Variants in MOB3C observed in about 807,000 individuals in gnomAD.
MOB3C encodes MOB kinase activator 3C.
Under a neutral mutation model 19.8 loss-of-function variants are expected in MOB3C, and 17 were observed. The ratio of observed to expected loss-of-function variants is 0.86; its 90% CI spans 0.59 to 1.29. The LOEUF (loss-of-function observed/expected upper bound fraction) is 1.29, where lower values mean the gene tolerates loss of function less well. Among genes scored for constraint, MOB3C ranks in the 50% most tolerant of loss-of-function variants. The pLI is 0.00. For missense variants in MOB3C, 291 were observed against 301.9 expected (o/e 0.96, Z 0.27); for synonymous variants, 101 against 119.2 (o/e 0.85, Z 0.99).
At position 46,611,423 on chromosome 1, in the gene MOB3C, T is replaced by C. The variant is rs923628586; in HGVS notation, c.419-1219A>G. 2.0e-5 allele frequency among the ~76,000 whole-genome samples: 3 copies of C among 152,198 alleles called. No homozygotes were observed. The highest frequency in any genetic ancestry group is 7.2e-5 in the African/African-American group (3 of 41,458). Reference sequence around the variant, plus strand: ...GGCCCCGCTTCTGCATAGTCCCCCATGCTCAAGGCAGAGATCTTGGTGGCT... The same window carrying C: ...GGCCCCGCTTCTGCATAGTCCCCCACGCTCAAGGCAGAGATCTTGGTGGCT... On this transcript the variant is annotated intron_variant, in intron 2 of 3. Transcript: ENST00000319928. This position sits in a 1 kb window ranked among gnomAD's most constrained non-coding sequence, Gnocchi z 4.1.
rs968939838 is a variant in MOB3C, at chr1:46,608,382, A to G, written c.*1273T>C. 1.3e-5 allele frequency: 2 copies of G among 152,048 alleles called. No individual in the cohort carries two copies. The highest frequency in any genetic ancestry group is 4.8e-5 in the African/African-American group (2 of 41,262). The allele number at this position is 152,048 out of a possible 1,614,324, so 9.4% of individuals were successfully genotyped here. A position where few individuals can be genotyped will look rare whatever the true frequency, so the allele number is the denominator to read the frequency against. On this transcript the variant is annotated 3_prime_UTR_variant, in exon 4 of 4. Transcript: ENST00000319928. This position sits in a 1 kb window ranked among gnomAD's most constrained non-coding sequence, Gnocchi z 4.5. Reference sequence around the variant, plus strand: ...AGAGTGGAGGCTCTGGGAGGGCAGAACCCTGTTCCTGCCTCAGTTTCCCCA... The same window carrying G: ...AGAGTGGAGGCTCTGGGAGGGCAGAGCCCTGTTCCTGCCTCAGTTTCCCCA...
rs1675506887 is a variant in MOB3C at position 46,613,333 on chromosome 1, C to T, written c.-12G>A. On this transcript the variant is annotated 5_prime_UTR_variant, in exon 2 of 4. Coordinates refer to ENST00000319928, the MANE Select transcript of MOB3C (RefSeq NM_201403.3). ...AGGCACAGGGCCATGGCCAGCTGGG[C>T]CTGGGGCTGCTGTCCAGGGGCTCGG... is the stretch of plus-strand genomic sequence containing the variant. The T allele has an allele frequency of 6.2e-7, 1 of 1,601,826 alleles. No homozygotes were observed.
At position 46,613,271 on chromosome 1, in the gene MOB3C, C is replaced by G. The variant is rs781039558; in HGVS notation, c.51G>C (p.Pro17=). 6 of 1,612,452 alleles carry G rather than the reference C, an allele frequency of 3.7e-6. No homozygotes were observed. In the East Asian group the frequency reaches 1.3e-4, roughly 36 times the overall value. Residue 17 remains proline, a synonymous_variant, in exon 2 of 4, where the codon CCG becomes CCC. Transcript: ENST00000319928. Reference sequence around the variant, plus strand: ...GTGTGCCCGGCTCAAAGCGCTTCCGCGGCCGGAACGTCTTGTCCTTGGCGA... The same window carrying G: ...GTGTGCCCGGCTCAAAGCGCTTCCGGGGCCGGAACGTCTTGTCCTTGGCGA... The part of the protein sequence containing the change: ...QVFAKDKTFR[P]RKRFEPGTQR...
rs773930180 is a variant in MOB3C at position 46,612,980 on chromosome 1, C to T, written c.342G>A (p.Ala114=). 5.6e-6 allele frequency: 9 copies of T among 1,610,650 alleles called. 1 individual carries two copies. The highest frequency in any genetic ancestry group is 3.3e-5 in the Admixed American group (2 of 59,790). The change falls in exon 2 of 4, where the codon GCG becomes GCA. Residue 114 remains alanine (A), a synonymous_variant. Coordinates refer to ENST00000319928, the MANE Select transcript of MOB3C (RefSeq NM_201403.3). ...RQYRRPAKLS[A]PRYMALLMDW... is the part of the protein sequence containing the mutation. Reference sequence around the variant, plus strand: ...CCATGAGCAATGCCATATAGCGCGGCGCAGAGAGCTTGGCGGGCCGCCGGT... The same window carrying T: ...CCATGAGCAATGCCATATAGCGCGGTGCAGAGAGCTTGGCGGGCCGCCGGT...
chr1:46,613,286 G>A lies in MOB3C; in HGVS notation c.36C>T (p.Asp12=). The change falls in exon 2 of 4, where the codon GAC becomes GAT. Residue 12 remains aspartate (D), a synonymous_variant. Transcript: ENST00000319928. ...AGCGCTTCCGCGGCCGGAACGTCTT[G>A]TCCTTGGCGAACACCTGCTTCAGGC... The part of the protein sequence containing the change: ...ALCLKQVFAK[D]KTFRPRKRFE... 6.2e-7 allele frequency: 1 copy of A among 1,609,720 alleles called. No homozygotes were observed. Among genetic ancestry groups the A allele is most frequent in the Non-Finnish European group, 8.5e-7 (1 of 1,180,022 alleles).
chr1:46,611,493 C>T lies in MOB3C; in HGVS notation c.419-1289G>A, dbSNP rs1459234023. Among the ~76,000 whole-genome samples the T allele has an allele frequency of 2.0e-5, 3 of 152,308 alleles. No homozygotes were observed. The highest frequency in any genetic ancestry group is 6.8e-3 in the Middle Eastern group (2 of 294). On this transcript the variant is annotated intron_variant, in intron 2 of 3. Transcript: ENST00000319928. The surrounding 1 kb of genome is among the most constrained non-coding windows in gnomAD (Gnocchi z 4.1). ...GGCAGTCACCCAGGGTTTTAGGCAT[C>T]GATACCTGGAGTCCCACAGGCCCAG... is the stretch of plus-strand genomic sequence containing the variant.
intron 1 of MOB3C, chr1:46,614,466 C>G (rs1675529272): frequency 6.5e-6 from 1 of 153,724 alleles, no homozygotes. Context: ...CTGGGAAATG[C>G]AGACCCATGT....
chr1:46,610,031 G>A lies in MOB3C; in HGVS notation c.592C>T (p.Leu198=). Residue 198 remains leucine (L), a synonymous_variant, in exon 3 of 4, where the codon CTG becomes TTG. Transcript: ENST00000319928. ...GGCTCCAGCTCCCGCTGGTCCACCA[G>A]ACTGAACTCGCGGATGAAGTAGTAG... ...HFYYFIREFS[L]VDQRELEPLR... The A allele has an allele frequency of 6.2e-7, 1 of 1,614,252 alleles. No homozygotes were observed. Among genetic ancestry groups the A allele is most frequent in the Non-Finnish European group, 8.5e-7 (1 of 1,180,038 alleles).
Position 46,609,356 on chromosome 1 carries a change from G to T in MOB3C, c.*299C>A. 1 of 497,826 alleles carries T rather than the reference G, an allele frequency of 2.0e-6. No individual in the cohort carries two copies. The highest frequency in any genetic ancestry group is 3.7e-6 in the Non-Finnish European group (1 of 273,206). The allele number at this position is 497,826 out of a possible 1,614,324, so 30.8% of individuals were successfully genotyped here. A position where few individuals can be genotyped will look rare whatever the true frequency, so the allele number is the denominator to read the frequency against. On this transcript the variant is annotated 3_prime_UTR_variant, in exon 4 of 4. Transcript: ENST00000319928. ...ATTCCTCCAATAGGCTTGGGAACCA[G>T]CATGGAAGGGTCAAGTGTCATAGAA...
rs576551042 is a variant in MOB3C at position 46,612,478 on chromosome 1, A to G, written c.418+426T>C. Among the ~76,000 whole-genome samples the G allele has an allele frequency of 3.3e-5, 5 of 152,162 alleles. No homozygotes were observed. In the East Asian group the frequency reaches 9.7e-4, roughly 29 times the overall value. On this transcript the variant is annotated intron_variant, in intron 2 of 3. Transcript: ENST00000319928. Reference sequence around the variant, plus strand: ...CAGGTGTTCGAGATCAGCCTGGCCAATGTGGTGAAACCCTGTCTCTACTAA... The same window carrying G: ...CAGGTGTTCGAGATCAGCCTGGCCAGTGTGGTGAAACCCTGTCTCTACTAA...
rs143634972 is a variant in MOB3C at position 46,608,462 on chromosome 1, C to T, written c.*1193G>A. On this transcript the variant is annotated 3_prime_UTR_variant, in exon 4 of 4. Transcript: ENST00000319928. This position sits in a 1 kb window ranked among gnomAD's most constrained non-coding sequence, Gnocchi z 4.5. ...GGAGGTACTGAGTAATGGAGTGCTG[C>T]GTGAACATCCCAGTCTCCCTGTGGA... 392 of 152,836 alleles carry T rather than the reference C, an allele frequency of 2.6e-3. 4 individuals carry two copies. Among genetic ancestry groups the T allele is most frequent in the Non-Finnish European group, 4.6e-3 (313 of 68,078 alleles). 9.5% of individuals were successfully genotyped at this position (152,836 alleles called of 1,614,324 possible). A position where few individuals can be genotyped will look rare whatever the true frequency, so the allele number is the denominator to read the frequency against.
In MOB3C at chr1:46,613,302, T is replaced by A. The variant is rs568493531; in HGVS notation, c.20A>T (p.Gln7Leu). 1 of 1,606,628 alleles carries A rather than the reference T, an allele frequency of 6.2e-7. No individual in the cohort carries two copies. Among genetic ancestry groups the A allele is most frequent in the Non-Finnish European group, 8.5e-7 (1 of 1,180,006 alleles). Reference sequence around the variant, plus strand: ...GAACGTCTTGTCCTTGGCGAACACCTGCTTCAGGCACAGGGCCATGGCCAG... The same window carrying A: ...GAACGTCTTGTCCTTGGCGAACACCAGCTTCAGGCACAGGGCCATGGCCAG... MALCLK[Q>L]VFAKDKTFRP... The change falls in exon 2 of 4, where the codon CAG becomes CTG. Residue 7 changes from glutamine to leucine, a missense_variant. Gln to Leu is a moderately radical substitution (Grantham distance 113). Transcript: ENST00000319928.
chr1:46,609,247 C>T lies in MOB3C; in HGVS notation c.*408G>A. 1 of 300,434 alleles carries T rather than the reference C, an allele frequency of 3.3e-6. No individual in the cohort carries two copies. Among genetic ancestry groups the T allele is most frequent in the Non-Finnish European group, 6.4e-6 (1 of 155,148 alleles). The allele number at this position is 300,434 out of a possible 1,614,324, so 18.6% of individuals were successfully genotyped here. A position where few individuals can be genotyped will look rare whatever the true frequency, so the allele number is the denominator to read the frequency against. ...CCACAGTGAAAATCACACACACACA[C>T]ACACACCCCGGCATCTGTGCTCACT... is the stretch of plus-strand genomic sequence containing the variant. On this transcript the variant is annotated 3_prime_UTR_variant, in exon 4 of 4. Transcript: ENST00000319928.
In MOB3C at chr1:46,613,140, G is replaced by A; in HGVS notation, c.182C>T (p.Ala61Val). Reference protein sequence around the residue: ...PPGENIDDWIAVHVVDFFNRI... With the variant: ...PPGENIDDWIVVHVVDFFNRI... ...GTTGAAGAAGTCCACCACGTGCACGGCGATCCAGTCGTCGATGTTCTCCCC... is the reference window on the plus strand; with the variant it reads ...GTTGAAGAAGTCCACCACGTGCACGACGATCCAGTCGTCGATGTTCTCCCC... The change falls in exon 2 of 4, where the codon GCC (alanine) becomes GTC (valine). Residue 61 changes from alanine to valine, a missense_variant. Ala to Val is a moderately conservative substitution (Grantham distance 64, BLOSUM62 0). Coordinates refer to ENST00000319928, the MANE Select transcript of MOB3C (RefSeq NM_201403.3). 1 of 1,614,264 alleles carries A rather than the reference G, an allele frequency of 6.2e-7. No homozygotes were observed. Among genetic ancestry groups the A allele is most frequent in the Non-Finnish European group, 8.5e-7 (1 of 1,180,050 alleles).
chr1:46,609,915 G>T (rs886643216), intron 3 of MOB3C, 87 bp downstream of exon 3: 3 of 1,466,106 alleles, frequency 2.0e-6, no homozygotes, highest in Non-Finnish European at 2.9e-6. Context: ...CTACTTGGGC[G>T]TTGGAGTTAC....
In MOB3C at chr1:46,610,215, G is replaced by A; in HGVS notation, c.419-11C>T. ...TAGGGAAGGGAACTCCTAGAGGGCA[G>A]GGGAGGGCAGAAGGGGATCAGTATC... is the stretch of plus-strand genomic sequence containing the variant. On this transcript the variant is annotated splice_polypyrimidine_tract_variant and intron_variant, in intron 2 of 3. Transcript: ENST00000319928. The A allele has an allele frequency of 6.2e-7, 1 of 1,613,618 alleles. No individual in the cohort carries two copies. Among genetic ancestry groups the A allele is most frequent in the Non-Finnish European group, 8.5e-7 (1 of 1,179,830 alleles).
chr1:46,609,557 A>T lies in MOB3C; in HGVS notation c.*98T>A. The T allele has an allele frequency of 6.8e-7, 1 of 1,465,048 alleles. No individual in the cohort carries two copies. The highest frequency in any genetic ancestry group is 9.5e-7 in the Non-Finnish European group (1 of 1,048,774). The allele number at this position is 1,465,048 out of a possible 1,614,324, so 90.8% of individuals were successfully genotyped here. On this transcript the variant is annotated 3_prime_UTR_variant, in exon 4 of 4. Coordinates refer to ENST00000319928, the MANE Select transcript of MOB3C (RefSeq NM_201403.3). ...GGCTTTGGGTGTGTGGAGTGATTCC[A>T]GTGCCTTCAGATTCCTTCAGGCTCC...
At chr1:46,610,267 T>G in intron 2 of MOB3C, 63 bp from the exon 3 acceptor site, 2 of 1,530,184 alleles carry the variant, frequency 1.3e-6, no homozygotes, top group Non-Finnish European at 1.8e-6. Flanking sequence ...GCTCAACTTT[T>G]CCCTCCCACA....
chr1:46,615,134 GCAATTAGGCGGGGCTC>G (rs1675538613), intron 1 of MOB3C: 10 of 1,384,812 alleles, frequency 7.2e-6, no homozygotes, highest in South Asian at 1.2e-5. Flanking sequence ...CCCTCACACT[GCAATTAGGCGGGGCTC>G]CTGGGCTCCC....
Sources: allele counts gnomAD v4.1 joint callset (sites outside exome capture counted in the v4.1 genomes callset), GRCh38; gene constraint gnomAD v4.1.1; non-coding constraint Gnocchi (gnomAD v3.1); transcripts MANE v1.5; gene names NCBI Gene and HGNC (gene_info 2026-07-23, HGNC 2026-07-21).